The following CAMKMT variants were observed in gnomAD, a reference collection of about 807,000 sequenced individuals.
CAMKMT encodes the protein calmodulin-lysine N-methyltransferase.
CAMKMT carries 53 observed loss-of-function variants against 48.0 expected under a neutral mutation model. That is an observed-to-expected ratio of 1.10 (90% CI 0.89 to 1.39). The LOEUF (loss-of-function observed/expected upper bound fraction) is 1.39. Ranked by LOEUF, CAMKMT falls within the 40% of genes most tolerant of loss-of-function variation. The pLI is 0.00. For missense variants in CAMKMT, 428 were observed against 402.7 expected (o/e 1.06, Z -0.54); for synonymous variants, 165 against 152.3 (o/e 1.08, Z -0.61).
At chr2:44,557,243 T>C (rs1558700741) in intron 3 of CAMKMT, among the ~76,000 whole-genome samples, 1 of 152,176 alleles carries the variant, frequency 6.6e-6, no homozygotes, top group Non-Finnish European at 1.5e-5. Flanking sequence ...TGTGGGAGGA[T>C]GGAGCTGAAA....
At chr2:44,399,143 T>C (rs970742802) in intron 3 of CAMKMT, among the ~76,000 whole-genome samples, 1 of 152,304 alleles carries the variant, frequency 6.6e-6, no homozygotes, top group East Asian at 1.9e-4. Context: ...TTGCTGCACA[T>C]GGTAAATTCA....
chr2:44,682,294 C>T (rs1676067162), intron 3 of CAMKMT, among the ~76,000 whole-genome samples: 1 of 152,172 alleles, frequency 6.6e-6, no homozygotes, highest in Admixed American at 6.5e-5. Context: ...GTGGAATCAA[C>T]AACAGTAGCA....
Position 44,456,716 on chromosome 2 carries a change from C to T in CAMKMT, c.376+66411C>T, listed in dbSNP as rs181084663. Reference sequence around the variant, plus strand: ...TACCTCTGCTTGTCTTCATGATCTTCATTACAATCATAGCAGAAATCCTCA... The same window carrying T: ...TACCTCTGCTTGTCTTCATGATCTTTATTACAATCATAGCAGAAATCCTCA... On this transcript the variant is annotated intron_variant, in intron 3 of 10. Transcript: ENST00000378494. The T allele has an allele frequency of 7.0e-5, 69 of 981,048 alleles. 1 individual carries two copies. Among genetic ancestry groups the T allele is most frequent in the Non-Finnish European group, 4.4e-6 (3 of 684,424 alleles). The allele number at this position is 981,048 out of a possible 1,614,324, so 60.8% of individuals were successfully genotyped here. A position where few individuals can be genotyped will look rare whatever the true frequency, so the allele number is the denominator to read the frequency against.
At chr2:44,406,551 T>C (rs1410791661) in intron 3 of CAMKMT, among the ~76,000 whole-genome samples, 1 of 152,160 alleles carries the variant, frequency 6.6e-6, no homozygotes, top group African/African-American at 2.4e-5. Flanking sequence ...TGTTGTTTTA[T>C]TGGTAAGTTT....
chr2:44,382,867 AAT>A (rs1443556033), intron 2 of CAMKMT, among the ~76,000 whole-genome samples: 2 of 152,206 alleles, frequency 1.3e-5, no homozygotes, highest in African/African-American at 4.8e-5. Context: ...TGGAAAGGGT[AAT>A]ACAGTTTACA....
intron 3 of CAMKMT, among the ~76,000 whole-genome samples, chr2:44,593,882 G>T (rs1670480080): frequency 6.7e-6 from 1 of 148,772 alleles, no homozygotes. Flanking sequence ...TCCTGCCTCA[G>T]CCTCCCAAGT....
intron 3 of CAMKMT, among the ~76,000 whole-genome samples, chr2:44,444,994 A>G (rs1045996061): frequency 6.6e-6 from 1 of 152,182 alleles, no homozygotes; most frequent in Non-Finnish European, 1.5e-5. Flanking sequence ...AGAAAACTGG[A>G]TCTAAGGGAT....
intron 9 of CAMKMT, among the ~76,000 whole-genome samples, chr2:44,762,604 A>G (rs912109040): frequency 1.8e-4 from 27 of 152,268 alleles, no homozygotes; most frequent in African/African-American, 6.0e-4. Context: ...ATGTATACAT[A>G]TGTAACAAAC....
intron 3 of CAMKMT, among the ~76,000 whole-genome samples, chr2:44,491,543 A>T (rs899952081): frequency 5.3e-5 from 8 of 152,232 alleles, no homozygotes; most frequent in Non-Finnish European, 8.8e-5. Flanking sequence ...GTGTTAATTT[A>T]ATAAAGTAAC....
intron 2 of CAMKMT, among the ~76,000 whole-genome samples, chr2:44,377,675 A>C (rs922964489): frequency 6.6e-6 from 1 of 152,302 alleles, no homozygotes. Flanking sequence ...TGTTTGAAGA[A>C]GACTACTGTT....
At chr2:44,398,116 G>T (rs749607694) in intron 3 of CAMKMT, among the ~76,000 whole-genome samples, 4 of 152,124 alleles carry the variant, frequency 2.6e-5, no homozygotes, top group Non-Finnish European at 4.4e-5. Context: ...CAGGAGCTTT[G>T]TAAGTACTGT....
chr2:44,722,362 T>C (rs2104321076), intron 7 of CAMKMT, among the ~76,000 whole-genome samples: 1 of 152,284 alleles, frequency 6.6e-6, no homozygotes, highest in African/African-American at 2.4e-5. Flanking sequence ...AAAAAGTATA[T>C]GATGTTTTCT....
intron 2 of CAMKMT, among the ~76,000 whole-genome samples, chr2:44,383,462 C>T (rs1275707911): frequency 6.6e-6 from 1 of 152,098 alleles, no homozygotes; most frequent in Non-Finnish European, 1.5e-5. Context: ...TGCACCTGAC[C>T]CCTTTTTTTA....
intron 2 of CAMKMT, among the ~76,000 whole-genome samples, chr2:44,384,577 AGT>A (rs1680588717): frequency 6.8e-6 from 1 of 146,474 alleles, no homozygotes; most frequent in Non-Finnish European, 1.5e-5. Flanking sequence ...TGTCTAGAAG[AGT>A]TTTTCCAATG....
intron 3 of CAMKMT, among the ~76,000 whole-genome samples, chr2:44,637,100 G>A (rs371677059): frequency 2.6e-5 from 4 of 152,154 alleles, no homozygotes; most frequent in South Asian, 2.1e-4. Context: ...GTGGGTGTTC[G>A]CTAAAACCAA....
At chr2:44,602,678 C>T (rs543168667) in intron 3 of CAMKMT, among the ~76,000 whole-genome samples, 2 of 152,008 alleles carry the variant, frequency 1.3e-5, no homozygotes, top group African/African-American at 4.8e-5. Flanking sequence ...CGTCTTACTA[C>T]GGCAGAGCTG....
chr2:44,412,472 A>G (rs950090724), intron 3 of CAMKMT, among the ~76,000 whole-genome samples: 1 of 151,998 alleles, frequency 6.6e-6, no homozygotes, highest in Admixed American at 6.5e-5. Flanking sequence ...AGTGGCTGGG[A>G]TTACAGGTGC....
At chr2:44,447,802 C>T (rs186470599) in intron 3 of CAMKMT, among the ~76,000 whole-genome samples, 77 of 152,212 alleles carry the variant, frequency 5.1e-4, no homozygotes, top group Non-Finnish European at 9.1e-4. Flanking sequence ...AATAATACTC[C>T]GCCCAAAAAA....
intron 3 of CAMKMT, among the ~76,000 whole-genome samples, chr2:44,677,424 A>T (rs1675769942): frequency 6.6e-6 from 1 of 152,224 alleles, no homozygotes; most frequent in African/African-American, 2.4e-5. Flanking sequence ...GCATGCAAGC[A>T]ATTAAATCCC....
Sources: gnomAD v4.1 joint callset for allele counts (sites outside exome capture counted in the v4.1 genomes callset) on GRCh38, gnomAD v4.1.1 for gene constraint, MANE v1.5 for transcripts, NCBI Gene and HGNC (gene_info 2026-07-23, HGNC 2026-07-21) for gene names.